The following DAB1 variants were observed in gnomAD, a reference collection of about 807,000 sequenced individuals.
The protein encoded by DAB1 is disabled homolog 1.
In DAB1, 15 loss-of-function variants were observed where a neutral mutation model predicts 64.6. That is an observed-to-expected ratio of 0.23 (90% CI 0.16 to 0.36). DAB1 has a LOEUF of 0.36. Ranked by LOEUF, DAB1 falls within the 10% of genes least tolerant of loss-of-function variation. DAB1 has a pLI of 1.00. For synonymous variants in DAB1, 235 were observed against 251.9 expected (o/e 0.93, Z 0.64); for missense variants, 596 against 706.7 (o/e 0.84, Z 1.78).
intron 3 of DAB1, among the ~76,000 whole-genome samples, chr1:57,138,780 C>A (rs1442986749): frequency 1.3e-5 from 2 of 152,174 alleles, no homozygotes; most frequent in African/African-American, 4.8e-5. Context: ...CCCTTTATGC[C>A]AAATTGCATC....
intron 4 of DAB1, among the ~76,000 whole-genome samples, chr1:57,085,483 G>A (rs1268210144): frequency 6.6e-6 from 1 of 152,216 alleles, no homozygotes; most frequent in East Asian, 1.9e-4. Context: ...TTCTAGTAAT[G>A]GGGCATCTGC....
chr1:57,632,736 T>C (rs544041449), intron 7 of DAB1, among the ~76,000 whole-genome samples: 118 of 152,088 alleles, frequency 7.8e-4, no homozygotes, highest in Non-Finnish European at 1.5e-3. Context: ...AAAATAGCAA[T>C]GTAAGTGTGT....
intron 7 of DAB1, among the ~76,000 whole-genome samples, chr1:57,442,912 A>T (rs1166433952): frequency 1.3e-5 from 2 of 152,198 alleles, no homozygotes; most frequent in Non-Finnish European, 2.9e-5. Context: ...TAGCAGAAGG[A>T]AGGTTGGATA....
intron 2 of DAB1, among the ~76,000 whole-genome samples, chr1:58,511,328 C>G (rs1309506671): frequency 6.6e-6 from 1 of 152,092 alleles, no homozygotes; most frequent in African/African-American, 2.4e-5. Flanking sequence ...CACACAAATA[C>G]AGATCTTTGA....
intron 5 of DAB1, among the ~76,000 whole-genome samples, chr1:57,970,354 C>T (rs2100304812): frequency 6.6e-6 from 1 of 152,292 alleles, no homozygotes; most frequent in East Asian, 1.9e-4. Flanking sequence ...CAGCCACCAA[C>T]ATTTTCCTCC....
intron 7 of DAB1, among the ~76,000 whole-genome samples, chr1:57,476,237 A>C (rs1482735321): frequency 6.6e-6 from 1 of 151,624 alleles, no homozygotes; most frequent in Non-Finnish European, 1.5e-5. Flanking sequence ...AAAAAAAAAA[A>C]AAACAAAAAA....
intron 1 of DAB1, among the ~76,000 whole-genome samples, chr1:57,317,129 A>G (rs942474198): frequency 6.6e-5 from 10 of 152,158 alleles, no homozygotes; most frequent in Non-Finnish European, 1.5e-4. Flanking sequence ...AGGCCACATG[A>G]CAGGGAACCA....
chr1:57,791,246 C>A (rs898107113), intron 6 of DAB1, among the ~76,000 whole-genome samples: 1 of 152,104 alleles, frequency 6.6e-6, no homozygotes. Flanking sequence ...ATGCCCTAGG[C>A]CCCCCTGTGT....
intron 1 of DAB1, among the ~76,000 whole-genome samples, chr1:57,343,450 G>A (rs1034891357): frequency 2.6e-5 from 4 of 152,226 alleles, no homozygotes; most frequent in African/African-American, 7.2e-5. Context: ...CCGTGCGCCC[G>A]CACTCCTGAG....
chr1:58,538,990 T>C, intron 1 of DAB1: 1 of 872,856 alleles, frequency 1.1e-6, no homozygotes, highest in East Asian at 2.4e-5. Context: ...TGAAAAAGCA[T>C]CATTCCATAC....
At chr1:57,008,695 TA>T (rs1278563920) in intron 14 of DAB1, among the ~76,000 whole-genome samples, 1 of 152,180 alleles carries the variant, frequency 6.6e-6, no homozygotes, top group Non-Finnish European at 1.5e-5. Context: ...AGAACCTAGA[TA>T]TTTTTTTTAA....
intron 3 of DAB1, among the ~76,000 whole-genome samples, chr1:58,455,024 G>A (rs1357778536): frequency 6.6e-6 from 1 of 152,178 alleles, no homozygotes; most frequent in African/African-American, 2.4e-5. Flanking sequence ...TAAAGAGAAT[G>A]TCTTTTCCAT....
At chr1:57,842,213 C>G (rs1292811293) in intron 1 of DAB1, among the ~76,000 whole-genome samples, 2 of 152,166 alleles carry the variant, frequency 1.3e-5, no homozygotes, top group African/African-American at 2.4e-5. Flanking sequence ...CAAGAGTTAT[C>G]TTTACTCCAG....
intron 5 of DAB1, chr1:58,049,261 C>T (rs1032680166): frequency 1.5e-5 from 11 of 745,416 alleles, no homozygotes; most frequent in East Asian, 2.5e-5. Flanking sequence ...CTAAGCTGTT[C>T]GGGCTCTTTA....
chr1:57,364,556 T>C (rs1159804388), intron 1 of DAB1, among the ~76,000 whole-genome samples: 2 of 152,106 alleles, frequency 1.3e-5, no homozygotes, highest in Non-Finnish European at 2.9e-5. Flanking sequence ...ATACTTAGCA[T>C]ATATTAACAT....
intron 3 of DAB1, among the ~76,000 whole-genome samples, chr1:58,385,829 A>G (rs2100551030): frequency 6.6e-6 from 1 of 152,330 alleles, no homozygotes; most frequent in South Asian, 2.1e-4. Flanking sequence ...AGGTACCAAC[A>G]TTATTGCTTG....
chr1:57,479,866 G>A (rs967846646), intron 7 of DAB1, among the ~76,000 whole-genome samples: 25 of 152,172 alleles, frequency 1.6e-4, no homozygotes, highest in African/African-American at 5.5e-4. Context: ...GAAAGACAAA[G>A]CCAGGGGCCG....
In DAB1 at chr1:58,377,586, G is replaced by A. The variant is rs1316808302; in HGVS notation, n.258-34183C>T. 3.6e-5 allele frequency among the ~76,000 whole-genome samples: 5 copies of A among 137,282 alleles called. 2 individuals are homozygous for A. Among genetic ancestry groups the A allele is most frequent in the Non-Finnish European group, 6.5e-5 (4 of 61,764 alleles). The allele number at this position is 137,282 out of a possible 152,430, so 90.1% of individuals were successfully genotyped here. On this transcript the variant is annotated intron_variant and non_coding_transcript_variant, in intron 3 of 20. Transcript: ENST00000485760. ...ATGGGCTTCCCTTTGAGGGTAACCC[G>A]ACCTTTCTCTCTAGCTGCCCTTAAC...
At chr1:57,839,234 T>G (rs1267739861) in intron 1 of DAB1, among the ~76,000 whole-genome samples, 3 of 152,082 alleles carry the variant, frequency 2.0e-5, no homozygotes, top group African/African-American at 7.2e-5. Context: ...TCTAAGTGAG[T>G]GACTCAGGCC....
Sources: gnomAD v4.1 joint callset for allele counts (sites outside exome capture counted in the v4.1 genomes callset) on GRCh38, gnomAD v4.1.1 for gene constraint, MANE v1.5 for transcripts, NCBI Gene and HGNC (gene_info 2026-07-23, HGNC 2026-07-21) for gene names.